The following PTPN7 variants were observed in gnomAD, a reference collection of about 807,000 sequenced individuals.
PTPN7 encodes tyrosine-protein phosphatase non-receptor type 7.
In PTPN7, 33 loss-of-function variants were observed where a neutral mutation model predicts 50.3. The ratio of observed to expected loss-of-function variants is 0.66; its 90% CI spans 0.50 to 0.88. The LOEUF is 0.88. Ranked by LOEUF, PTPN7 falls within the 40% of genes least tolerant of loss-of-function variation. PTPN7 has a pLI of 0.00. For missense variants in PTPN7, 412 were observed against 475.4 expected, an observed-to-expected ratio of 0.87 and a Z score of 1.24; for synonymous variants, 185 against 186.6, an observed-to-expected ratio of 0.99 and a Z score of 0.07.
chr1:202,150,327 G>T lies in PTPN7; in HGVS notation c.973C>A (p.Gln325Lys). The change falls in exon 9 of 10, where the codon CAA (glutamine) becomes AAA (lysine). Residue 325 changes from glutamine to lysine, a missense_variant. Physicochemically the swap from Gln to Lys is moderately conservative, Grantham distance 53 (BLOSUM62 1). Transcript: ENST00000691036. ...GEVDILGIVCQLRLDRGGMIQ... is the reference protein window; with the variant it reads ...GEVDILGIVCKLRLDRGGMIQ... Reference sequence around the variant, plus strand: ...CAGACCCACCTGTCTAGCCGCAGTTGGCACACAATACCCAGAATGTCCACT... The same window carrying T: ...CAGACCCACCTGTCTAGCCGCAGTTTGCACACAATACCCAGAATGTCCACT... 2 of 1,612,172 alleles carry T rather than the reference G, an allele frequency of 1.2e-6. No individual in the cohort carries two copies. The highest frequency in any genetic ancestry group is 2.7e-5 in the African/African-American group (2 of 75,010).
At position 202,159,855 on chromosome 1, in the gene PTPN7, A is replaced by T; in HGVS notation, c.-52-401T>A. ...CGCAGAAGCCATCTCTGAGCTAACC[A>T]GTGGGCCTTCCCCTGAACAGAGAAT... On this transcript the variant is annotated intron_variant, in intron 1 of 9. Coordinates refer to ENST00000691036, the MANE Select transcript of PTPN7 (RefSeq NM_002832.4). This position sits in a 1 kb window ranked among gnomAD's most constrained non-coding sequence, Gnocchi z 4.6. 9.4e-7 allele frequency: 1 copy of T among 1,060,868 alleles called. No homozygotes were observed. Among genetic ancestry groups the T allele is most frequent in the Non-Finnish European group, 1.1e-6 (1 of 877,200 alleles). The allele number at this position is 1,060,868 out of a possible 1,614,324, so 65.7% of individuals were successfully genotyped here. A position where few individuals can be genotyped will look rare whatever the true frequency, so the allele number is the denominator to read the frequency against.
upstream of PTPN7, chr1:202,160,976 G>A (rs1479073447): frequency 4.9e-6 from 7 of 1,425,058 alleles, no homozygotes; most frequent in Non-Finnish European, 6.4e-6. The surrounding 1 kb of genome is among the most constrained non-coding windows in gnomAD (Gnocchi z 4.8). Flanking sequence ...CTTGGCCGGA[G>A]GCTTATTTCT....
rs1461331113 is a variant in PTPN7 at position 202,159,921 on chromosome 1, C to T, written c.-52-467G>A. ...TGTTGGAGCTGGTTGGGCAGCCAGG[C>T]AGGCGGGCTCCTGGACCCCAGCAGG... On this transcript the variant is annotated intron_variant, in intron 1 of 9. Transcript: ENST00000691036. This position sits in a 1 kb window ranked among gnomAD's most constrained non-coding sequence, Gnocchi z 4.6. 1 of 1,009,396 alleles carries T rather than the reference C, an allele frequency of 9.9e-7. No homozygotes were observed. Among genetic ancestry groups the T allele is most frequent in the Non-Finnish European group, 1.2e-6 (1 of 845,416 alleles). The allele number at this position is 1,009,396 out of a possible 1,614,324, so 62.5% of individuals were successfully genotyped here. A position where few individuals can be genotyped will look rare whatever the true frequency, so the allele number is the denominator to read the frequency against.
chr1:202,156,488 C>T (rs1047311683), intron 4 of PTPN7, among the ~76,000 whole-genome samples: 1 of 152,184 alleles, frequency 6.6e-6, no homozygotes, highest in African/African-American at 2.4e-5. Context: ...AAGGATTTCT[C>T]TAAATGAAAC....
chr1:202,150,474 A>C, intron 8 of PTPN7, 50 bp from the exon 9 acceptor site: 1 of 1,446,860 alleles, frequency 6.9e-7, no homozygotes, highest in Non-Finnish European at 9.5e-7. Flanking sequence ...ACCAGGGAAT[A>C]TGAGAGCCAG....
chr1:202,155,439 C>T, intron 5 of PTPN7, 94 bp downstream of exon 5: 3 of 1,242,512 alleles, frequency 2.4e-6, no homozygotes, highest in Non-Finnish European at 3.4e-6. Flanking sequence ...GTAGGAAATG[C>T]AGGCACCTGA....
At chr1:202,150,623 GGGA>G (rs1655900320) in intron 8 of PTPN7, among the ~76,000 whole-genome samples, 199 bp from the exon 9 acceptor site, 1 of 152,202 alleles carries the variant, frequency 6.6e-6, no homozygotes, top group Non-Finnish European at 1.5e-5. Context: ...TAATTGGCAT[GGGA>G]GGAGTTTACA....
chr1:202,155,471 A>T, intron 5 of PTPN7, 62 bp downstream of exon 5: 1 of 1,455,768 alleles, frequency 6.9e-7, no homozygotes, highest in Non-Finnish European at 9.6e-7. Flanking sequence ...TGGCTGGAAG[A>T]TATTCTCAGA....
rs1655844036 is a variant in PTPN7 at position 202,150,319 on chromosome 1, C to T, written c.981G>A (p.Arg327=). The change falls in exon 9 of 10, where the codon CGG becomes CGA. Residue 327 remains arginine (R), a synonymous_variant. Coordinates refer to ENST00000691036, the MANE Select transcript of PTPN7 (RefSeq NM_002832.4). ...TACACCCACAGACCCACCTGTCTAG[C>T]CGCAGTTGGCACACAATACCCAGAA... The part of the protein sequence containing the change: ...VDILGIVCQL[R]LDRGGMIQTA... 6.2e-7 allele frequency: 1 copy of T among 1,610,702 alleles called. No individual in the cohort carries two copies. The highest frequency in any genetic ancestry group is 1.7e-5 in the Admixed American group (1 of 59,702).
intron 9 of PTPN7, 42 bp from the exon 10 acceptor site, chr1:202,148,741 G>T: frequency 6.4e-7 from 1 of 1,572,178 alleles, no homozygotes; most frequent in South Asian, 1.1e-5. Flanking sequence ...AGGAGGGTCA[G>T]GGTGCTGGCT....
intron 9 of PTPN7, 68 bp downstream of exon 9, chr1:202,150,243 C>T (rs1571736164): frequency 7.9e-7 from 1 of 1,265,538 alleles, no homozygotes; most frequent in Non-Finnish European, 1.1e-6. Flanking sequence ...CCTAGCAGAA[C>T]TCTGGGGCCC....
chr1:202,159,080 C>A lies in PTPN7; in HGVS notation c.122+201G>T. The A allele has an allele frequency of 1.7e-6, 1 of 601,364 alleles. No homozygotes were observed. Among genetic ancestry groups the A allele is most frequent in the South Asian group, 2.1e-5 (1 of 48,414 alleles). The allele number at this position is 601,364 out of a possible 1,614,324, so 37.3% of individuals were successfully genotyped here. The stretch of plus-strand genomic sequence containing the variant: ...CCTTGCCTGGAATTTAGGGAGCAGG[C>A]TCATGGTTGATATGAAACTCTGTGC... On this transcript the variant is annotated intron_variant, in intron 2 of 9. Coordinates refer to ENST00000691036, the MANE Select transcript of PTPN7 (RefSeq NM_002832.4). This position sits in a 1 kb window ranked among gnomAD's most constrained non-coding sequence, Gnocchi z 4.6.
chr1:202,153,877 A>T, intron 6 of PTPN7, 42 bp from the exon 7 acceptor site: 1 of 1,483,730 alleles, frequency 6.7e-7, no homozygotes. Flanking sequence ...GGTCAGCTGG[A>T]GCAGGTGACA....
At chr1:202,160,781 G>A (rs1274648720), upstream of PTPN7, 3 of 1,550,188 alleles carry the variant, frequency 1.9e-6, no homozygotes, top group East Asian at 2.4e-5. The surrounding 1 kb of genome is among the most constrained non-coding windows in gnomAD (Gnocchi z 4.8). Context: ...CCTGGGAATG[G>A]GTGAGGGGCC....
chr1:202,161,185 G>A, upstream of PTPN7: 1 of 1,126,842 alleles, frequency 8.9e-7, no homozygotes, highest in East Asian at 5.8e-5. Flanking sequence ...TGAAGGAAAG[G>A]GCCGGGGCCA....
rs148072052 is a variant in PTPN7 at position 202,159,403 on chromosome 1, G to A, written c.-1C>T. 104 of 1,614,216 alleles carry A rather than the reference G, an allele frequency of 6.4e-5. No individual in the cohort carries two copies. The African/African-American group carries it at 1.3e-3, about 21-fold the overall frequency. ...AGCGCCCCCCATGGGCTTGGACCATGCTGAGGTGGGGTGCTGGGCCCAGGG... is the reference window on the plus strand; with the variant it reads ...AGCGCCCCCCATGGGCTTGGACCATACTGAGGTGGGGTGCTGGGCCCAGGG... On this transcript the variant is annotated 5_prime_UTR_variant, in exon 2 of 10. Coordinates refer to ENST00000691036, the MANE Select transcript of PTPN7 (RefSeq NM_002832.4). The surrounding 1 kb of genome is among the most constrained non-coding windows in gnomAD (Gnocchi z 4.6).
chr1:202,160,024 G>A lies in PTPN7; in HGVS notation c.-53+521C>T. 2 of 986,340 alleles carry A rather than the reference G, an allele frequency of 2.0e-6. No individual in the cohort carries two copies. The highest frequency in any genetic ancestry group is 2.4e-6 in the Non-Finnish European group (2 of 827,156). 61.1% of individuals were successfully genotyped at this position (986,340 alleles called of 1,614,324 possible). ...GGTCTCTGTCCAGGGAGGTAGGCTGGAGGTGTTTCCTTCCTCCTCCTGCCC... is the reference window on the plus strand; with the variant it reads ...GGTCTCTGTCCAGGGAGGTAGGCTGAAGGTGTTTCCTTCCTCCTCCTGCCC... On this transcript the variant is annotated intron_variant, in intron 1 of 9. Coordinates refer to ENST00000691036, the MANE Select transcript of PTPN7 (RefSeq NM_002832.4). The surrounding 1 kb of genome is among the most constrained non-coding windows in gnomAD (Gnocchi z 4.8).
At chr1:202,153,421 G>A (rs549664727) in intron 7 of PTPN7, among the ~76,000 whole-genome samples, 3 of 152,146 alleles carry the variant, frequency 2.0e-5, no homozygotes, top group Non-Finnish European at 4.4e-5. Context: ...GCCACACCTG[G>A]CCTTCCACAT....
chr1:202,153,360 G>A (rs1191717296), intron 7 of PTPN7, among the ~76,000 whole-genome samples: 1 of 152,142 alleles, frequency 6.6e-6, no homozygotes, highest in Non-Finnish European at 1.5e-5. Context: ...CTGACCTCAA[G>A]TGATCCGCCC....
Sources: gnomAD v4.1 joint callset for allele counts (sites outside exome capture counted in the v4.1 genomes callset) on GRCh38, gnomAD v4.1.1 for gene constraint, Gnocchi (gnomAD v3.1) non-coding constraint, MANE v1.5 for transcripts, NCBI Gene and HGNC (gene_info 2026-07-23, HGNC 2026-07-21) for gene names.